Variants in ADGRE5 observed in about 807,000 individuals in gnomAD.
The protein encoded by ADGRE5 is adhesion G protein-coupled receptor E5, also known as CD97 molecule.
ADGRE5 carries 72 observed loss-of-function variants against 100.3 expected under a neutral mutation model. The observed-to-expected ratio is 0.72, with a 90% CI of 0.59 to 0.87. ADGRE5 has a LOEUF of 0.87. ADGRE5 is among the 40% of genes least tolerant of loss of function. ADGRE5 has a pLI of 0.00. For missense variants in ADGRE5, 959 were observed against 1,094.7 expected (o/e 0.88, Z 1.75); for synonymous variants, 439 against 447.8 (o/e 0.98, Z 0.25).
rs756084215 is a variant in ADGRE5 at position 14,406,830 on chromosome 19, C to A, written c.2116-39C>A. The A allele has an allele frequency of 5.0e-6, 8 of 1,610,368 alleles. No individual in the cohort carries two copies. In the Admixed American group the frequency reaches 5.0e-5, roughly 10 times the overall value. On this transcript the variant is annotated intron_variant, in intron 16 of 19. Coordinates refer to ENST00000242786, the MANE Select transcript of ADGRE5 (RefSeq NM_078481.4). This position sits in a 1 kb window ranked among gnomAD's most constrained non-coding sequence, Gnocchi z 6.0. Reference sequence around the variant, plus strand: ...ACAGGCCCAGGCCCGGCTGGACCATCGCTCTCGCCCTCTAACCCACAATCT... The same window carrying A: ...ACAGGCCCAGGCCCGGCTGGACCATAGCTCTCGCCCTCTAACCCACAATCT...
At position 14,401,864 on chromosome 19, in the gene ADGRE5, C is replaced by T. The variant is rs948501122; in HGVS notation, c.1183+104C>T. 2.8e-6 allele frequency: 2 copies of T among 705,152 alleles called. No homozygotes were observed. The highest frequency in any genetic ancestry group is 7.2e-5 in the Admixed American group (2 of 27,656). 43.7% of individuals were successfully genotyped at this position (705,152 alleles called of 1,614,324 possible). Reference sequence around the variant, plus strand: ...TAGAACAACTGACTGGGCGCGGTGGCTCACGCCTGCAATCCCAGCATTTTG... The same window carrying T: ...TAGAACAACTGACTGGGCGCGGTGGTTCACGCCTGCAATCCCAGCATTTTG... On this transcript the variant is annotated intron_variant, in intron 11 of 19. Transcript: ENST00000242786. The surrounding 1 kb of genome is among the most constrained non-coding windows in gnomAD (Gnocchi z 4.1).
intron 4 of ADGRE5, among the ~76,000 whole-genome samples, chr19:14,392,209 T>C (rs1975626111): frequency 6.7e-6 from 1 of 150,154 alleles, no homozygotes; most frequent in African/African-American, 2.5e-5. Context: ...AGTCTGGGAG[T>C]TCAAGACCAG....
chr19:14,408,568 G>A lies in ADGRE5; in HGVS notation c.*447G>A. The A allele has an allele frequency of 2.3e-6, 1 of 432,874 alleles. No individual in the cohort carries two copies. The highest frequency in any genetic ancestry group is 4.1e-6 in the Non-Finnish European group (1 of 242,002). 26.8% of individuals were successfully genotyped at this position (432,874 alleles called of 1,614,324 possible). On this transcript the variant is annotated 3_prime_UTR_variant, in exon 20 of 20. Transcript: ENST00000242786. ...CAGAGGCCCCATGGCGAGGCCCCTT[G>A]GGGCCACTGCCTGAGGCTCACGGTA...
chr19:14,385,968 AC>A (rs1305122038), intron 1 of ADGRE5, among the ~76,000 whole-genome samples: 1 of 151,274 alleles, frequency 6.6e-6, no homozygotes, highest in Non-Finnish European at 1.5e-5. Context: ...AGGGGGTTTC[AC>A]CATATTAGGC....
rs1336142653 is a variant in ADGRE5 at position 14,385,550 on chromosome 19, A to G, written c.23-2900A>G. ...CCCAGAACATGCCTTGGGAGGGGGA[A>G]CCCCCTGAGTGCTGGGAACCGCCAC... On this transcript the variant is annotated intron_variant, in intron 1 of 19. Coordinates refer to ENST00000242786, the MANE Select transcript of ADGRE5 (RefSeq NM_078481.4). Among the ~76,000 whole-genome samples the G allele has an allele frequency of 2.0e-5, 3 of 151,674 alleles. 1 individual carries two copies. In the South Asian group the frequency reaches 6.3e-4, roughly 32 times the overall value.
chr19:14,381,519 C>T lies in ADGRE5; in HGVS notation c.-5C>T. 3 of 1,609,978 alleles carry T rather than the reference C, an allele frequency of 1.9e-6. No individual in the cohort carries two copies. Among genetic ancestry groups the T allele is most frequent in the Non-Finnish European group, 2.5e-6 (3 of 1,178,350 alleles). ...CCCCTGCCGCTCCTGCCGGCAGCTC[C>T]AACCATGGGAGGCCGCGTCTTTCTC... On this transcript the variant is annotated 5_prime_UTR_variant, in exon 1 of 20. Coordinates refer to ENST00000242786, the MANE Select transcript of ADGRE5 (RefSeq NM_078481.4).
chr19:14,386,225 A>C (rs1183565173), intron 1 of ADGRE5, among the ~76,000 whole-genome samples: 1 of 151,560 alleles, frequency 6.6e-6, no homozygotes, highest in Non-Finnish European at 1.5e-5. Flanking sequence ...TAAAAATATA[A>C]AAAGTTAGCC....
chr19:14,401,736 G>A lies in ADGRE5; in HGVS notation c.1159G>A (p.Val387Met), dbSNP rs1976020381. 6.4e-7 allele frequency: 1 copy of A among 1,561,462 alleles called. No homozygotes were observed. Reference protein sequence around the residue: ...SSARMKLNWAVAAGAEDPGPA... With the variant: ...SSARMKLNWAMAAGAEDPGPA... Reference sequence around the variant, plus strand: ...CGCACGCATGAAGCTGAATTGGGCTGTGGCAGCTGGAGCCGAGGATCCAGG... The same window carrying A: ...CGCACGCATGAAGCTGAATTGGGCTATGGCAGCTGGAGCCGAGGATCCAGG... The change falls in exon 11 of 20, where the codon GTG becomes ATG. Residue 387 changes from valine to methionine, a missense_variant. Around this residue, in one of 6 missense-constraint regions of ADGRE5, gnomAD observed 246 missense variants for 242.2 expected, o/e 1.02. Transcript: ENST00000242786. The surrounding 1 kb of genome is among the most constrained non-coding windows in gnomAD (Gnocchi z 4.1).
chr19:14,402,538 G>A, intron 11 of ADGRE5, 59 bp from the exon 12 acceptor site: 2 of 1,586,202 alleles, frequency 1.3e-6, no homozygotes, highest in Non-Finnish European at 1.7e-6. Flanking sequence ...TCTTGGGAGG[G>A]AGGATAGAGC....
Position 14,398,177 on chromosome 19 carries a change from G to A in ADGRE5, c.897+38G>A, listed in dbSNP as rs748458281. ...TGCTGGGGGACCCCAGGACAGTGTA[G>A]AATCAGCTAGCGGAGGCTTCCATGT... On this transcript the variant is annotated intron_variant, in intron 9 of 19. Coordinates refer to ENST00000242786, the MANE Select transcript of ADGRE5 (RefSeq NM_078481.4). The A allele has an allele frequency of 1.2e-5, 19 of 1,603,098 alleles. No homozygotes were observed. In the South Asian group the frequency reaches 2.0e-4, roughly 17 times the overall value.
chr19:14,390,799 C>A, intron 3 of ADGRE5, 125 bp from the exon 4 acceptor site: 1 of 1,179,104 alleles, frequency 8.5e-7, no homozygotes, highest in Non-Finnish European at 1.2e-6. Flanking sequence ...CTGTGCAGTG[C>A]AACTTAAGAT....
Position 14,404,386 on chromosome 19 carries a change from G to A in ADGRE5, c.1453G>A (p.Val485Met), listed in dbSNP as rs138614688. 155 of 1,608,378 alleles carry A rather than the reference G, an allele frequency of 9.6e-5. No individual in the cohort carries two copies. The African/African-American group carries it at 1.8e-3, about 19-fold the overall frequency. The change falls in exon 13 of 20, where the codon GTG becomes ATG. Residue 485 changes from valine to methionine, a missense_variant. By Grantham distance (21) the Val-to-Met change is conservative. Around this residue, in one of 6 missense-constraint regions of ADGRE5, gnomAD observed 246 missense variants for 242.2 expected, o/e 1.02. Coordinates refer to ENST00000242786, the MANE Select transcript of ADGRE5 (RefSeq NM_078481.4). ...GACCACCCCCATCTGCCCACAGGAC[G>A]TGATGCCTGGGCCACGGCAGGAGCT... ...EAGRDPPAKD[V>M]MPGPRQELLC...
intron 13 of ADGRE5, chr19:14,404,781 C>T (rs1042242726): frequency 4.0e-5 from 21 of 524,678 alleles, no homozygotes; most frequent in Admixed American, 8.0e-5. Context: ...TAGCTCCGCT[C>T]CTCTGCCTGT....
At chr19:14,399,281 G>A (rs1277365188) in intron 9 of ADGRE5, among the ~76,000 whole-genome samples, 1 of 151,712 alleles carries the variant, frequency 6.6e-6, no homozygotes, top group Non-Finnish European at 1.5e-5. Context: ...AAGCTTTCCT[G>A]GCCAAGCACG....
chr19:14,397,113 A>G lies in ADGRE5; in HGVS notation c.515A>G (p.His172Arg). Residue 172 changes from histidine to arginine, a missense_variant, in exon 6 of 20, where the codon CAC (histidine) becomes CGC (arginine). Around this residue, in one of 6 missense-constraint regions of ADGRE5, gnomAD observed 83 missense variants for 88.8 expected, o/e 0.93. Coordinates refer to ENST00000242786, the MANE Select transcript of ADGRE5 (RefSeq NM_078481.4). ...TGCACCTCCGGACAAAACCCGTGCC[A>G]CAGCTCCACCCACTGCCTCAACAAC... ...NECTSGQNPC[H>R]SSTHCLNNVG... 6.2e-7 allele frequency: 1 copy of G among 1,614,108 alleles called. No homozygotes were observed. Among genetic ancestry groups the G allele is most frequent in the Admixed American group, 1.7e-5 (1 of 60,004 alleles).
At chr19:14,388,406 C>T in intron 1 of ADGRE5, 44 bp from the exon 2 acceptor site, 1 of 1,457,720 alleles carries the variant, frequency 6.9e-7, no homozygotes, top group Non-Finnish European at 9.2e-7. Context: ...CCTCCTTTCC[C>T]ACCCTGGGAT....
Position 14,408,486 on chromosome 19 carries a change from A to T in ADGRE5, c.*365A>T. On this transcript the variant is annotated 3_prime_UTR_variant, in exon 20 of 20. Transcript: ENST00000242786. ...ACTTTTCCTCTCATGTCTTTGCTGC[A>T]GAACTGAAGAGACTAGGCGCTGGGG... is the stretch of plus-strand genomic sequence containing the variant. The T allele has an allele frequency of 2.0e-6, 1 of 496,816 alleles. No homozygotes were observed. Among genetic ancestry groups the T allele is most frequent in the Non-Finnish European group, 3.6e-6 (1 of 274,212 alleles). 30.8% of individuals were successfully genotyped at this position (496,816 alleles called of 1,614,324 possible). A position where few individuals can be genotyped will look rare whatever the true frequency, so the allele number is the denominator to read the frequency against.
rs143056436 is a variant in ADGRE5 at position 14,406,924 on chromosome 19, A to G, written c.2171A>G (p.Glu724Gly). 2.9e-3 allele frequency: 4,613 copies of G among 1,614,166 alleles called. 6 individuals carry two copies. The highest frequency in any genetic ancestry group is 3.7e-3 in the Non-Finnish European group (4,345 of 1,180,010). The change falls in exon 17 of 20, where the codon GAA becomes GGA. Residue 724 changes from glutamate (E) to glycine (G), a missense_variant. Glu to Gly is a moderately conservative substitution (Grantham distance 98, BLOSUM62 -2). Coordinates refer to ENST00000242786, the MANE Select transcript of ADGRE5 (RefSeq NM_078481.4). This position sits in a 1 kb window ranked among gnomAD's most constrained non-coding sequence, Gnocchi z 6.0. ...TVWKLTQKFS[E>G]INPDMKKLKK... ...TGGAAGCTCACTCAGAAGTTTTCTG[A>G]AATCAATCCAGACATGAAGAAATTA...
chr19:14,390,141 G>A (rs1568309461), intron 3 of ADGRE5, among the ~76,000 whole-genome samples: 2 of 143,958 alleles, frequency 1.4e-5, no homozygotes, highest in South Asian at 2.2e-4. Flanking sequence ...GAGGGAGGGA[G>A]GGAAGGAGGG....
Sources: allele counts gnomAD v4.1 joint callset (sites outside exome capture counted in the v4.1 genomes callset), GRCh38; gene constraint gnomAD v4.1.1; regional missense constraint gnomAD v4.1.1; non-coding constraint Gnocchi (gnomAD v3.1); transcripts MANE v1.5; gene names NCBI Gene and HGNC (gene_info 2026-07-23, HGNC 2026-07-21).